Variants in ZCCHC24 observed in about 807,000 individuals in gnomAD.
ZCCHC24 encodes zinc finger CCHC domain-containing protein 24.
ZCCHC24 carries 10 observed loss-of-function variants against 26.2 expected under a neutral mutation model. The ratio of observed to expected loss-of-function variants is 0.38; its 90% CI spans 0.24 to 0.65. The LOEUF is 0.65. Among genes scored for constraint, ZCCHC24 ranks in the 30% least tolerant of loss-of-function variants. The pLI is 0.54. For synonymous variants in ZCCHC24, 144 were observed against 147.1 expected (o/e 0.98, Z 0.15); for missense variants, 243 against 329.1 (o/e 0.74, Z 2.03).
intron 2 of ZCCHC24, among the ~76,000 whole-genome samples, chr10:79,428,451 AATTTCAGTTTTGCAAG>A (rs1249120704): frequency 3.9e-5 from 2 of 51,932 alleles, no homozygotes; most frequent in Non-Finnish European, 7.9e-5. Flanking sequence ...TTGCAAGATA[AATTTCAGTTTTGCAAG>A]ATAAATTTCA....
chr10:79,416,708 C>T (rs1856865762), intron 2 of ZCCHC24, among the ~76,000 whole-genome samples: 1 of 152,130 alleles, frequency 6.6e-6, no homozygotes, highest in Admixed American at 6.5e-5. Flanking sequence ...TATGACAGCA[C>T]AGCCTCTGAA....
chr10:79,445,408 G>T lies in ZCCHC24; in HGVS notation c.33C>A (p.Ala11=), dbSNP rs780643606. Residue 11 remains alanine (A), a synonymous_variant, in exon 1 of 4, where the codon GCC becomes GCA. Coordinates refer to ENST00000372336, the MANE Select transcript of ZCCHC24 (RefSeq NM_153367.4). Reference sequence around the variant, plus strand: ...GCTGGGCGGGCTGGTACACCGAGGCGGCGCTCGTGTCGATGGCCGACAGCA... The same window carrying T: ...GCTGGGCGGGCTGGTACACCGAGGCTGCGCTCGTGTCGATGGCCGACAGCA... MSLLSAIDTS[A]ASVYQPAQLL... The T allele has an allele frequency of 2.7e-6, 4 of 1,494,736 alleles. 1 individual carries two copies. Among genetic ancestry groups the T allele is most frequent in the South Asian group, 2.6e-5 (2 of 78,050 alleles). The allele number at this position is 1,494,736 out of a possible 1,614,324, so 92.6% of individuals were successfully genotyped here. A position where few individuals can be genotyped will look rare whatever the true frequency, so the allele number is the denominator to read the frequency against.
In ZCCHC24 at chr10:79,445,352, T is replaced by C; in HGVS notation, c.89A>G (p.Asp30Gly). The C allele has an allele frequency of 6.5e-7, 1 of 1,537,866 alleles. No individual in the cohort carries two copies. Among genetic ancestry groups the C allele is most frequent in the Non-Finnish European group, 8.7e-7 (1 of 1,145,212 alleles). ...ATCGAAGGCGCTAGCCTGGTGCGTG[T>C]CCTGCAGCGACAGGTAGACCCAGTT... ...LLNWVYLSLQ[D>G]THQASAFDAF... The change falls in exon 1 of 4, where the codon GAC becomes GGC. Residue 30 changes from aspartate (D) to glycine (G), a missense_variant. Around this residue, in one of 2 missense-constraint regions of ZCCHC24, gnomAD observed 147 missense variants for 150.8 expected, o/e 0.97. Transcript: ENST00000372336.
intron 1 of ZCCHC24, among the ~76,000 whole-genome samples, chr10:79,441,825 G>C (rs555379054): frequency 6.6e-6 from 1 of 152,310 alleles, no homozygotes; most frequent in Non-Finnish European, 1.5e-5. Context: ...GAGAACAGCT[G>C]CCCTAAGAAT....
chr10:79,413,410 G>A (rs969086878), intron 2 of ZCCHC24, among the ~76,000 whole-genome samples: 3 of 152,274 alleles, frequency 2.0e-5, no homozygotes, highest in African/African-American at 7.2e-5. Context: ...TCCTGGGGGA[G>A]TGGAACGGAA....
chr10:79,407,700 T>C (rs1856738091), intron 2 of ZCCHC24, among the ~76,000 whole-genome samples: 1 of 152,128 alleles, frequency 6.6e-6, no homozygotes, highest in African/African-American at 2.4e-5. Flanking sequence ...CCCAGGAAAC[T>C]GAGGCACAGA....
intron 1 of ZCCHC24, among the ~76,000 whole-genome samples, chr10:79,439,256 G>A (rs1857258770): frequency 6.6e-6 from 1 of 152,218 alleles, no homozygotes; most frequent in African/African-American, 2.4e-5. Flanking sequence ...CCATTCATCA[G>A]CATACCCAAG....
chr10:79,429,516 G>A (rs1857097287), intron 2 of ZCCHC24, among the ~76,000 whole-genome samples: 1 of 152,184 alleles, frequency 6.6e-6, no homozygotes. Flanking sequence ...AGGAGGTGGA[G>A]GTTGCAGTGA....
chr10:79,429,543 T>G lies in ZCCHC24; in HGVS notation c.447+3015A>C, dbSNP rs1036119330. Among the ~76,000 whole-genome samples, 5 of 152,164 alleles carry G rather than the reference T, an allele frequency of 3.3e-5. No homozygotes were observed. The East Asian group carries it at 7.7e-4, about 24-fold the overall frequency. ...TTGCAGTGAGCCAAGATGATGCCAC[T>G]GCACTCCAGCCTGGGCAACAGAGCT... On this transcript the variant is annotated intron_variant, in intron 2 of 3. Transcript: ENST00000372336.
intron 2 of ZCCHC24, among the ~76,000 whole-genome samples, chr10:79,421,017 CA>C (rs1340921173): frequency 6.6e-6 from 1 of 152,144 alleles, no homozygotes; most frequent in Non-Finnish European, 1.5e-5. Context: ...AAGGCGGCGC[CA>C]GGGGTGGAAC....
chr10:79,402,898 C>T (rs73297219), intron 2 of ZCCHC24, among the ~76,000 whole-genome samples: 10,739 of 152,278 alleles, frequency 0.071, 1,249 homozygotes, highest in African/African-American at 0.25. Context: ...CTCTTACCTC[C>T]GACCCTGGCC....
chr10:79,393,756 G>T (rs1319709237), intron 3 of ZCCHC24, among the ~76,000 whole-genome samples: 1 of 152,094 alleles, frequency 6.6e-6, no homozygotes, highest in African/African-American at 2.4e-5. Context: ...CAGGGCATTT[G>T]CACCTGCTGT....
chr10:79,395,742 G>T (rs892185305), intron 2 of ZCCHC24, among the ~76,000 whole-genome samples: 9 of 152,092 alleles, frequency 5.9e-5, no homozygotes, highest in Non-Finnish European at 1.3e-4. Flanking sequence ...TTTTCATGCA[G>T]GAATAGCCTA....
intron 2 of ZCCHC24, among the ~76,000 whole-genome samples, chr10:79,421,237 C>T (rs1315678279): frequency 6.6e-6 from 1 of 152,242 alleles, no homozygotes. Flanking sequence ...TGAGTGCTCA[C>T]GACATTCCAG....
chr10:79,399,086 G>T (rs373873873), intron 2 of ZCCHC24, among the ~76,000 whole-genome samples: 5 of 152,268 alleles, frequency 3.3e-5, no homozygotes, highest in African/African-American at 1.2e-4. Flanking sequence ...CCTCCCCTCA[G>T]CCCAGTCCAG....
intron 2 of ZCCHC24, among the ~76,000 whole-genome samples, chr10:79,400,844 C>A (rs10824750): frequency 1.3e-5 from 2 of 152,140 alleles, no homozygotes; most frequent in Non-Finnish European, 2.9e-5. Context: ...CTCCCCACCC[C>A]TGGGTCCCTT....
intron 2 of ZCCHC24, among the ~76,000 whole-genome samples, chr10:79,408,241 G>A (rs1342454528): frequency 2.0e-5 from 3 of 152,188 alleles, no homozygotes; most frequent in African/African-American, 7.2e-5. Context: ...CCCCAGCTTA[G>A]CTCCCTGCTC....
At chr10:79,392,470 C>A (rs1392645529) in intron 3 of ZCCHC24, among the ~76,000 whole-genome samples, 1 of 152,172 alleles carries the variant, frequency 6.6e-6, no homozygotes, top group African/African-American at 2.4e-5. Flanking sequence ...TAATTACCCC[C>A]TCTTCTCCCT....
At chr10:79,440,110 GAC>G (rs145722013) in intron 1 of ZCCHC24, among the ~76,000 whole-genome samples, 10 of 149,722 alleles carry the variant, frequency 6.7e-5, no homozygotes, top group African/African-American at 7.3e-5. Context: ...CCACCACCAC[GAC>G]ACACACACAC....
Sources: gnomAD v4.1 joint callset for allele counts (sites outside exome capture counted in the v4.1 genomes callset) on GRCh38, gnomAD v4.1.1 for gene constraint, gnomAD v4.1.1 regional missense constraint, MANE v1.5 for transcripts, NCBI Gene and HGNC (gene_info 2026-07-23, HGNC 2026-07-21) for gene names.